KLHL5: variants seen among roughly 807,000 people sequenced by gnomAD.
The protein encoded by KLHL5 is kelch like family member 5.
Under a neutral mutation model 77.7 loss-of-function variants are expected in KLHL5, and 48 were observed. The ratio of observed to expected loss-of-function variants is 0.62; its 90% CI spans 0.49 to 0.79. The LOEUF (loss-of-function observed/expected upper bound fraction) is 0.79, where lower values mean the gene tolerates loss of function less well. Among genes scored for constraint, KLHL5 ranks in the 30% least tolerant of loss-of-function variants. The probability of loss-of-function intolerance (pLI) is 0.00; values close to 1 mark genes in which losing one functional copy is unlikely to be tolerated. For missense variants in KLHL5, 723 were observed against 859.7 expected (o/e 0.84, Z 1.99); for synonymous variants, 260 against 297.0 (o/e 0.88, Z 1.28).
chr4:39,095,809 G>A (rs1227513091), intron 5 of KLHL5, among the ~76,000 whole-genome samples: 1 of 151,640 alleles, frequency 6.6e-6, no homozygotes, highest in Admixed American at 6.6e-5. Context: ...AAGATGGTAA[G>A]ATGCAGCAAA....
chr4:39,128,677 T>C (rs1560450503), downstream of KLHL5, among the ~76,000 whole-genome samples: 1 of 152,202 alleles, frequency 6.6e-6, no homozygotes, highest in Non-Finnish European at 1.5e-5. Flanking sequence ...ACTAATATTA[T>C]GGATGCTAGA....
Position 39,063,034 on chromosome 4 carries a change from A to G in KLHL5, c.382A>G (p.Arg128Gly), listed in dbSNP as rs1577645474. The change falls in exon 1 of 11, where the codon AGG (arginine) becomes GGG (glycine). Residue 128 changes from arginine (R) to glycine (G), a missense_variant and splice_region_variant. Coordinates refer to ENST00000504108, the MANE Select transcript of KLHL5 (RefSeq NM_015990.5). Reference sequence around the variant, plus strand: ...AAATGAATCTGATTCCAGTTCATGCAGGTTGATTATTTTCTTACTGTTAGA... The same window carrying G: ...AAATGAATCTGATTCCAGTTCATGCGGGTTGATTATTTTCTTACTGTTAGA... ...EENESDSSSC[R>G]TSNSSQTLSS... 6.2e-7 allele frequency: 1 copy of G among 1,608,026 alleles called. No individual in the cohort carries two copies. The highest frequency in any genetic ancestry group is 2.2e-5 in the East Asian group (1 of 44,814).
chr4:39,105,581 CAT>C (rs1483494342), intron 7 of KLHL5, among the ~76,000 whole-genome samples: 1 of 150,898 alleles, frequency 6.6e-6, no homozygotes, highest in African/African-American at 2.4e-5. Flanking sequence ...ATATCATAAA[CAT>C]GTATATACAG....
intron 7 of KLHL5, among the ~76,000 whole-genome samples, chr4:39,104,858 C>T (rs367596117): frequency 9.9e-5 from 15 of 152,056 alleles, no homozygotes; most frequent in African/African-American, 2.7e-4. Flanking sequence ...TTCCGCCTCC[C>T]GGGTTCAAGT....
At chr4:39,067,935 G>A (rs1718052777) in intron 1 of KLHL5, among the ~76,000 whole-genome samples, 2 of 151,832 alleles carry the variant, frequency 1.3e-5, no homozygotes, top group Admixed American at 6.6e-5. Context: ...TGTCCACCTC[G>A]GCCTCCCAAA....
At chr4:39,054,317 C>A (rs1716866832) in intron 1 of KLHL5, among the ~76,000 whole-genome samples, 1 of 152,082 alleles carries the variant, frequency 6.6e-6, no homozygotes, top group Non-Finnish European at 1.5e-5. Context: ...CATCCTGGAC[C>A]CTGCCACTCA....
chr4:39,100,937 A>G lies in KLHL5; in HGVS notation c.1301-2350A>G, dbSNP rs962993156. 1.4e-4 allele frequency among the ~76,000 whole-genome samples: 21 copies of G among 151,992 alleles called. 1 individual carries two copies. Among genetic ancestry groups the G allele is most frequent in the East Asian group, 3.9e-4 (2 of 5,194 alleles). ...ACCATTGGACTCTTGGTCCCTTCAT[A>G]TATCTGTTTAGTATAGGGCCAAACA... On this transcript the variant is annotated intron_variant, in intron 6 of 10. Coordinates refer to ENST00000504108, the MANE Select transcript of KLHL5 (RefSeq NM_015990.5).
intron 5 of KLHL5, among the ~76,000 whole-genome samples, chr4:39,095,425 C>G (rs1451248830): frequency 6.6e-6 from 1 of 152,068 alleles, no homozygotes; most frequent in African/African-American, 2.4e-5. Flanking sequence ...TAGACACACA[C>G]AGATACACAT....
Position 39,082,051 on chromosome 4 carries a change from T to G in KLHL5, c.792T>G (p.Cys264Trp). ...LQLSQVVEAC[C>W]KFLMKQLHPS... is the part of the protein sequence containing the mutation. ...TTTCACAGGTTGTAGAAGCATGCTGTAAGTTTTTAATGAAACAGCTTCATC... is the reference window on the plus strand; with the variant it reads ...TTTCACAGGTTGTAGAAGCATGCTGGAAGTTTTTAATGAAACAGCTTCATC... The change falls in exon 4 of 11, where the codon TGT becomes TGG. Residue 264 changes from cysteine to tryptophan, a missense_variant. This residue lies in a region of KLHL5 where 288 missense variants were observed against 400.3 expected (regional missense o/e 0.72). Transcript: ENST00000504108. 6.2e-6 allele frequency: 10 copies of G among 1,614,128 alleles called. No homozygotes were observed. Among genetic ancestry groups the G allele is most frequent in the Non-Finnish European group, 8.5e-6 (10 of 1,179,978 alleles).
chr4:39,087,798 T>C (rs1720184965), intron 5 of KLHL5, among the ~76,000 whole-genome samples: 1 of 152,220 alleles, frequency 6.6e-6, no homozygotes, highest in African/African-American at 2.4e-5. Context: ...GTTCAGACTT[T>C]CTTTTTCTTT....
the KLHL5 span, among the ~76,000 whole-genome samples, chr4:39,134,930 G>T: frequency 6.6e-6 from 1 of 152,300 alleles, no homozygotes; most frequent in African/African-American, 2.4e-5. Context: ...GGAGCCAAAT[G>T]CTTTACAATT....
At chr4:39,141,115 T>C in the KLHL5 span, among the ~76,000 whole-genome samples, 1 of 152,146 alleles carries the variant, frequency 6.6e-6, no homozygotes, top group South Asian at 2.1e-4. Context: ...TCAAAGGAAG[T>C]GAGAAGCTGA....
chr4:39,061,893 A>T (rs1473880872), upstream of KLHL5, among the ~76,000 whole-genome samples: 2 of 152,150 alleles, frequency 1.3e-5, no homozygotes, highest in Non-Finnish European at 2.9e-5. Context: ...ATCCAAGTGA[A>T]ATCTTACCCA....
At chr4:39,141,358 G>C in the KLHL5 span, among the ~76,000 whole-genome samples, 7 of 141,048 alleles carry the variant, frequency 5.0e-5, no homozygotes, top group South Asian at 2.2e-4. Flanking sequence ...GCCCAGGCTG[G>C]AGTGCAGTGG....
At chr4:39,067,025 T>C (rs928850147) in intron 1 of KLHL5, among the ~76,000 whole-genome samples, 8 of 152,254 alleles carry the variant, frequency 5.3e-5, no homozygotes, top group Non-Finnish European at 8.8e-5. Context: ...CTCACATTAA[T>C]ATGGTGCATG....
At position 39,062,339 on chromosome 4, in the gene KLHL5, GACCT is replaced by G. The variant is rs1312153903; in HGVS notation, c.-312_-309del. ...TAATGAATGCTGTCAGTGTTTGTGA[GACCT>G]AATGGTCAGTATGGGAAAGGAGAGC... On this transcript the variant is annotated 5_prime_UTR_variant, in exon 1 of 11. It removes the in-frame stop codon of an upstream open reading frame in the 5' UTR. Coordinates refer to ENST00000504108, the MANE Select transcript of KLHL5 (RefSeq NM_015990.5). The G allele has an allele frequency of 9.9e-6, 14 of 1,417,128 alleles. No individual in the cohort carries two copies. The African/African-American group carries it at 2.0e-4, about 20-fold the overall frequency. The allele number at this position is 1,417,128 out of a possible 1,614,324, so 87.8% of individuals were successfully genotyped here.
In KLHL5 at chr4:39,121,216, G is replaced by A. The variant is rs1408415004; in HGVS notation, c.*150G>A. On this transcript the variant is annotated 3_prime_UTR_variant, in exon 11 of 11. Coordinates refer to ENST00000504108, the MANE Select transcript of KLHL5 (RefSeq NM_015990.5). ...GTCAAAATGAAGATAGTAAAACAAG[G>A]GAGGAAGCAGTGGATGGACCAGGAT... 1 of 654,138 alleles carries A rather than the reference G, an allele frequency of 1.5e-6. No individual in the cohort carries two copies. The highest frequency in any genetic ancestry group is 2.7e-6 in the Non-Finnish European group (1 of 372,136). The allele number at this position is 654,138 out of a possible 1,614,324, so 40.5% of individuals were successfully genotyped here. A position where few individuals can be genotyped will look rare whatever the true frequency, so the allele number is the denominator to read the frequency against.
At chr4:39,101,734 G>A (rs11096975) in intron 6 of KLHL5, among the ~76,000 whole-genome samples, 107,288 of 150,852 alleles carry the variant, frequency 0.71, 38,273 homozygotes, top group East Asian at 0.83. Context: ...CTGTAATCCC[G>A]GTTTGGGAGG....
chr4:39,100,406 T>C (rs1229731397), intron 6 of KLHL5, among the ~76,000 whole-genome samples: 1 of 152,226 alleles, frequency 6.6e-6, no homozygotes, highest in Non-Finnish European at 1.5e-5. Flanking sequence ...CCAGTTAGCC[T>C]TCTGTCAGCC....
Sources: allele counts gnomAD v4.1 joint callset (sites outside exome capture counted in the v4.1 genomes callset), GRCh38; gene constraint gnomAD v4.1.1; regional missense constraint gnomAD v4.1.1; transcripts MANE v1.5; gene names NCBI Gene and HGNC (gene_info 2026-07-23, HGNC 2026-07-21).